Variants in ZNF527 observed in about 807,000 individuals in gnomAD.
ZNF527 encodes zinc finger protein 527.
Under a neutral mutation model 13.5 loss-of-function variants are expected in ZNF527, and 5 were observed. That is an observed-to-expected ratio of 0.37 (90% CI 0.19 to 0.78). The LOEUF (loss-of-function observed/expected upper bound fraction) is 0.78, where lower values mean the gene tolerates loss of function less well. Among genes scored for constraint, ZNF527 ranks in the 30% least tolerant of loss-of-function variants. The probability of loss-of-function intolerance (pLI) is 0.48; values close to 1 mark genes in which losing one functional copy is unlikely to be tolerated. For missense variants in ZNF527, 628 were observed against 726.4 expected (o/e 0.86, Z 1.56); for synonymous variants, 209 against 243.1 (o/e 0.86, Z 1.30).
At chr19:37,375,499 C>T (rs2040600711) in intron 2 of ZNF527, among the ~76,000 whole-genome samples, 1 of 151,106 alleles carries the variant, frequency 6.6e-6, no homozygotes, top group African/African-American at 2.4e-5. Flanking sequence ...GTAGCTGGGA[C>T]TATAGGCACA....
intron 2 of ZNF527, among the ~76,000 whole-genome samples, chr19:37,378,730 C>T (rs2040627643): frequency 6.6e-6 from 1 of 152,092 alleles, no homozygotes; most frequent in Non-Finnish European, 1.5e-5. Flanking sequence ...ACTTTCAGGC[C>T]ATACCCTTTT....
At chr19:37,376,764 C>T (rs1252335908) in intron 2 of ZNF527, among the ~76,000 whole-genome samples, 2 of 148,508 alleles carry the variant, frequency 1.3e-5, no homozygotes, top group Non-Finnish European at 3.0e-5. Flanking sequence ...TGAATTTAGA[C>T]TTACAGTAGT....
At chr19:37,385,615 A>G in intron 4 of ZNF527, 1 of 330,600 alleles carries the variant, frequency 3.0e-6, no homozygotes, top group Non-Finnish European at 5.4e-6. Flanking sequence ...TAAGTTCTGA[A>G]ATAAAATCCT....
At chr19:37,372,275 A>G (rs2040563732) in intron 1 of ZNF527, among the ~76,000 whole-genome samples, 1 of 151,814 alleles carries the variant, frequency 6.6e-6, no homozygotes, top group South Asian at 2.1e-4. Context: ...CTGGGATTAC[A>G]GGCGTGAGGC....
At chr19:37,380,417 C>T in intron 4 of ZNF527, 45 bp downstream of exon 4, 5 of 1,537,316 alleles carry the variant, frequency 3.3e-6, no homozygotes, top group Admixed American at 1.7e-5. Flanking sequence ...GTAAGGTACT[C>T]AACCAAGTAG....
Position 37,389,499 on chromosome 19 carries a change from C to T in ZNF527, c.1450C>T (p.Gln484Ter). 6.2e-7 allele frequency: 1 copy of T among 1,614,080 alleles called. No homozygotes were observed. The highest frequency in any genetic ancestry group is 8.5e-7 in the Non-Finnish European group (1 of 1,180,016). ...TGGGAAGTTTTTTAGGACTGACTCA[C>T]AACTTAATCGACATCATAGAATTCA... Reference protein sequence around the residue: ...KCGKFFRTDSQLNRHHRIHTG... With the variant: ...KCGKFFRTDS The change falls in exon 5 of 5, where the codon CAA becomes TAA. Residue 484 changes from glutamine to a stop codon, truncating the protein, a stop_gained. Coordinates refer to ENST00000436120, the MANE Select transcript of ZNF527 (RefSeq NM_032453.2). LOFTEE classifies it low-confidence loss of function (END_TRUNC).
chr19:37,392,177 TTAA>T lies in ZNF527; in HGVS notation c.*2301_*2303del, dbSNP rs1163437797. On this transcript the variant is annotated 3_prime_UTR_variant, in exon 5 of 5. Transcript: ENST00000436120. ...TATGTTACATCTAATCTGAAACATA[TTAA>T]TATTATAAGCTTAATTCATGTCATC... is the stretch of plus-strand genomic sequence containing the variant. 1 of 152,198 alleles carries T rather than the reference TTAA, an allele frequency of 6.6e-6. No homozygotes were observed. The highest frequency in any genetic ancestry group is 2.4e-5 in the African/African-American group (1 of 41,458). 9.4% of individuals were successfully genotyped at this position (152,198 alleles called of 1,614,324 possible).
At chr19:37,377,249 G>A (rs963705127) in intron 2 of ZNF527, among the ~76,000 whole-genome samples, 5 of 152,146 alleles carry the variant, frequency 3.3e-5, no homozygotes, top group Admixed American at 6.5e-5. Context: ...AAATGTCTTC[G>A]TGTGGGCAAG....
At chr19:37,380,194 G>A (rs755053142) in intron 3 of ZNF527, 83 bp from the exon 4 acceptor site, 90 of 1,571,106 alleles carry the variant, frequency 5.7e-5, no homozygotes, top group African/African-American at 1.5e-4. Flanking sequence ...TTGGGTCTGC[G>A]TCCTAGACAG....
At chr19:37,374,367 C>T (rs73930978) in intron 2 of ZNF527, 136 bp downstream of exon 2, 3 of 776,226 alleles carry the variant, frequency 3.9e-6, no homozygotes, top group Admixed American at 2.4e-5. Flanking sequence ...TATAATCCTT[C>T]TACAAAACAT....
At chr19:37,383,253 T>C (rs898883510) in intron 4 of ZNF527, among the ~76,000 whole-genome samples, 4 of 149,950 alleles carry the variant, frequency 2.7e-5, no homozygotes, top group Non-Finnish European at 4.4e-5. Flanking sequence ...GCTTTTTTTT[T>C]GAGATGGAGC....
At chr19:37,373,504 T>C (rs1028543877) in intron 1 of ZNF527, among the ~76,000 whole-genome samples, 1 of 152,176 alleles carries the variant, frequency 6.6e-6, no homozygotes, top group South Asian at 2.1e-4. Context: ...AATACACCTG[T>C]GAACCAAACA....
intron 1 of ZNF527, among the ~76,000 whole-genome samples, chr19:37,372,467 CTTTTTTTTT>C (rs1022024971): frequency 1.5e-5 from 1 of 65,656 alleles, no homozygotes; most frequent in Non-Finnish European, 2.6e-5. Flanking sequence ...CTTTTCTTTT[CTTTTTTTTT>C]TTTTTTTTTT....
At chr19:37,383,131 G>C (rs1237715040) in intron 4 of ZNF527, among the ~76,000 whole-genome samples, 1 of 152,194 alleles carries the variant, frequency 6.6e-6, no homozygotes, top group Non-Finnish European at 1.5e-5. Flanking sequence ...ATTTATTGTA[G>C]CTCTGGAGGT....
At chr19:37,384,927 A>G (rs1037155865) in intron 4 of ZNF527, 5 of 701,884 alleles carry the variant, frequency 7.1e-6, no homozygotes, top group Non-Finnish European at 1.3e-5. Context: ...ACTGCAGCCT[A>G]TACCTACGGA....
Position 37,389,407 on chromosome 19 carries a change from A to G in ZNF527, c.1358A>G (p.Tyr453Cys), listed in dbSNP as rs753972450. The change falls in exon 5 of 5, where the codon TAT (tyrosine) becomes TGT (cysteine). Residue 453 changes from tyrosine to cysteine, a missense_variant. Physicochemically the swap from Tyr to Cys is radical, Grantham distance 194 (BLOSUM62 -2). Around this residue, in one of 3 missense-constraint regions of ZNF527, gnomAD observed 592 missense variants for 678.0 expected, o/e 0.87. Transcript: ENST00000436120. ...AGTGAATGTGGGAAGACCTTTGGCT[A>G]TCGCTCACACCTGAATCAACATCAG... ...KCSECGKTFG[Y>C]RSHLNQHQRI... is the part of the protein sequence containing the mutation. The G allele has an allele frequency of 3.1e-6, 5 of 1,614,170 alleles. No homozygotes were observed. Among genetic ancestry groups the G allele is most frequent in the Non-Finnish European group, 4.2e-6 (5 of 1,180,016 alleles).
intron 4 of ZNF527, chr19:37,385,154 T>C (rs2040688011): frequency 2.2e-6 from 1 of 464,402 alleles, no homozygotes; most frequent in Non-Finnish European, 3.8e-6. Flanking sequence ...TCTTACTGAT[T>C]TGTAGTAGAA....
intron 4 of ZNF527, among the ~76,000 whole-genome samples, chr19:37,387,861 C>T (rs1469398844): frequency 6.6e-6 from 1 of 152,178 alleles, no homozygotes; most frequent in Non-Finnish European, 1.5e-5. Flanking sequence ...TTGTCTGAGG[C>T]ATTGGATGCA....
At chr19:37,386,298 C>T (rs531821548) in intron 4 of ZNF527, among the ~76,000 whole-genome samples, 20 of 151,964 alleles carry the variant, frequency 1.3e-4, no homozygotes, top group Non-Finnish European at 2.5e-4. Flanking sequence ...TGAGCCACTG[C>T]GCCCAGCTAA....
Sources: allele counts gnomAD v4.1 joint callset (sites outside exome capture counted in the v4.1 genomes callset), GRCh38; gene constraint gnomAD v4.1.1; regional missense constraint gnomAD v4.1.1; transcripts MANE v1.5; gene names NCBI Gene and HGNC (gene_info 2026-07-23, HGNC 2026-07-21).